The following CLPB variants were observed in gnomAD, a reference collection of about 807,000 sequenced individuals.
CLPB encodes the protein mitochondrial disaggregase.
CLPB carries 40 observed loss-of-function variants against 78.4 expected under a neutral mutation model. The observed-to-expected ratio is 0.51, with a 90% CI of 0.40 to 0.66. The LOEUF (loss-of-function observed/expected upper bound fraction) is 0.66. Among genes scored for constraint, CLPB ranks in the 30% least tolerant of loss-of-function variants. CLPB has a pLI of 0.00. For missense variants in CLPB, 780 were observed against 886.9 expected, an observed-to-expected ratio of 0.88 and a Z score of 1.53; for synonymous variants, 333 against 348.0, an observed-to-expected ratio of 0.96 and a Z score of 0.48.
At chr11:72,392,030 G>A (rs1855268074) in intron 3 of CLPB, among the ~76,000 whole-genome samples, 1 of 152,070 alleles carries the variant, frequency 6.6e-6, no homozygotes, top group Non-Finnish European at 1.5e-5. Flanking sequence ...AGGGAAGAGC[G>A]AGAAAACCTA....
rs77875685 is a variant in CLPB at position 72,302,389 on chromosome 11, G to C, written c.1123-41C>G. On this transcript the variant is annotated intron_variant, in intron 9 of 15. Transcript: ENST00000538039. ...CAAGTACCAACTCCGTTTGGAGGCA[G>C]GAAAGTGAAGAGAAGGGTTAGGGAG... 2,746 of 1,593,544 alleles carry C rather than the reference G, an allele frequency of 1.7e-3. 32 individuals carry two copies. The African/African-American group carries it at 0.032, about 19-fold the overall frequency.
At chr11:72,354,277 G>GTATATATATA (rs57178829) in intron 5 of CLPB, 95 of 375,596 alleles carry the variant, frequency 2.5e-4, no homozygotes, top group African/African-American at 1.8e-3. Flanking sequence ...GTGTGTGTGT[G>GTATATATATA]TATATATATA....
At chr11:72,308,965 C>G (rs1016289999) in intron 7 of CLPB, among the ~76,000 whole-genome samples, 33 of 152,288 alleles carry the variant, frequency 2.2e-4, no homozygotes, top group Admixed American at 1.1e-3. Context: ...GGTTACTCAT[C>G]TACTCATCGC....
At chr11:72,354,660 AGC>A in intron 5 of CLPB, 3 of 282,738 alleles carry the variant, frequency 1.1e-5, no homozygotes, top group Non-Finnish European at 2.0e-5. Flanking sequence ...CCTGCTGATA[AGC>A]CATCAACACA....
chr11:72,327,845 G>T (rs922614247), intron 6 of CLPB, among the ~76,000 whole-genome samples: 1 of 152,186 alleles, frequency 6.6e-6, no homozygotes, highest in African/African-American at 2.4e-5. Flanking sequence ...AGAAGCATTT[G>T]CCCTCTGAAA....
intron 5 of CLPB, among the ~76,000 whole-genome samples, chr11:72,331,551 ACTT>A (rs1198597975): frequency 2.9e-5 from 4 of 138,288 alleles, no homozygotes; most frequent in South Asian, 2.3e-4. Flanking sequence ...ACAAGTCTCT[ACTT>A]CTTCTTTTCT....
At chr11:72,380,817 T>C (rs1854888222) in intron 3 of CLPB, among the ~76,000 whole-genome samples, 1 of 152,250 alleles carries the variant, frequency 6.6e-6, no homozygotes, top group South Asian at 2.1e-4. Flanking sequence ...TACCATGTTC[T>C]AGTCCCTATT....
In CLPB at chr11:72,290,804, TG is replaced by T. The variant is rs1199091897; in HGVS notation, c.*2562del. On this transcript the variant is annotated 3_prime_UTR_variant, in exon 16 of 16. Transcript: ENST00000538039. ...ACTAAAAATACAAAAATTAGCTGGG[TG>T]TGGTGGTGGGCACCTGCAATCCCAG... The T allele has an allele frequency of 1.3e-5, 2 of 151,900 alleles. No individual in the cohort carries two copies. 9.4% of individuals were successfully genotyped at this position (151,900 alleles called of 1,614,324 possible).
intron 2 of CLPB, among the ~76,000 whole-genome samples, chr11:72,416,393 C>T (rs149629853): frequency 2.0e-5 from 3 of 152,108 alleles, no homozygotes; most frequent in South Asian, 4.1e-4. Context: ...TTTTCTCCCC[C>T]TCAATGCCTA....
chr11:72,344,016 C>T (rs1950465832), intron 5 of CLPB, among the ~76,000 whole-genome samples: 1 of 152,136 alleles, frequency 6.6e-6, no homozygotes, highest in Admixed American at 6.5e-5. Context: ...ATGGGCAATA[C>T]TGCTCGACAA....
In CLPB at chr11:72,290,408, A is replaced by G. The variant is rs1949437283; in HGVS notation, c.*2959T>C. On this transcript the variant is annotated 3_prime_UTR_variant, in exon 16 of 16. Coordinates refer to ENST00000538039, the MANE Select transcript of CLPB (RefSeq NM_001258392.3). ...AAGGGACAGCTCTTCCTTATAGTAG[A>G]ATACCAATTAATAAATACAGGTAAA... 1 of 152,250 alleles carries G rather than the reference A, an allele frequency of 6.6e-6. No individual in the cohort carries two copies. 9.4% of individuals were successfully genotyped at this position (152,250 alleles called of 1,614,324 possible).
chr11:72,379,535 G>C (rs991687595), intron 4 of CLPB, among the ~76,000 whole-genome samples: 2 of 151,936 alleles, frequency 1.3e-5, no homozygotes. Flanking sequence ...ACACATGATC[G>C]AGCCCTAGTG....
At chr11:72,399,115 C>T (rs1205951586) in intron 3 of CLPB, among the ~76,000 whole-genome samples, 1 of 150,880 alleles carries the variant, frequency 6.6e-6, no homozygotes, top group Non-Finnish European at 1.5e-5. Flanking sequence ...TCTCTGTATC[C>T]CTTTTTTGCC....
At chr11:72,423,115 C>G (rs1277306657) in intron 2 of CLPB, among the ~76,000 whole-genome samples, 1 of 152,056 alleles carries the variant, frequency 6.6e-6, no homozygotes. Flanking sequence ...GCCATAAAAC[C>G]AGAAATCAAA....
At chr11:72,424,049 C>A (rs1374898452) in intron 2 of CLPB, among the ~76,000 whole-genome samples, 1 of 152,226 alleles carries the variant, frequency 6.6e-6, no homozygotes, top group African/African-American at 2.4e-5. Context: ...TTATAAACCA[C>A]TCAATCTGCG....
At position 72,307,231 on chromosome 11, in the gene CLPB, T is replaced by C; in HGVS notation, c.1090A>G (p.Thr364Ala). Residue 364 changes from threonine (T) to alanine (A), a missense_variant, in exon 9 of 16, where the codon ACA (threonine) becomes GCA (alanine). By Grantham distance (58) the Thr-to-Ala change is moderately conservative. Coordinates refer to ENST00000538039, the MANE Select transcript of CLPB (RefSeq NM_001258392.3). ...GIGKTELAKQ[T>A]AKYMHKDAKK... is the part of the protein sequence containing the mutation. ...GCATCTTTGTGCATATATTTGGCTGTCTGCTTGGCCAGCTCTGTTTTTCCT... is the reference window on the plus strand; with the variant it reads ...GCATCTTTGTGCATATATTTGGCTGCCTGCTTGGCCAGCTCTGTTTTTCCT... The C allele has an allele frequency of 6.2e-7, 1 of 1,614,144 alleles. No individual in the cohort carries two copies. The highest frequency in any genetic ancestry group is 8.5e-7 in the Non-Finnish European group (1 of 1,180,020).
In CLPB at chr11:72,292,065, AGGC is replaced by A. The variant is rs1949461434; in HGVS notation, c.*1299_*1301del. 2 of 147,902 alleles carry A rather than the reference AGGC, an allele frequency of 1.4e-5. No individual in the cohort carries two copies. The highest frequency in any genetic ancestry group is 5.2e-5 in the African/African-American group (2 of 38,354). 9.2% of individuals were successfully genotyped at this position (147,902 alleles called of 1,614,324 possible). ...CTCAAAAAAAAAAAAAAAAAAAAAA[AGGC>A]AGTCAGTGAGGTAGGGAGCAGCAGC... On this transcript the variant is annotated 3_prime_UTR_variant, in exon 16 of 16. Transcript: ENST00000538039.
At chr11:72,345,852 G>A (rs911799048) in intron 5 of CLPB, among the ~76,000 whole-genome samples, 3 of 152,106 alleles carry the variant, frequency 2.0e-5, no homozygotes. Context: ...ATAGACTAGG[G>A]GTGAGAACTG....
At position 72,433,789 on chromosome 11, in the gene CLPB, G is replaced by T. The variant is rs145207184; in HGVS notation, c.403+283C>A. Among the ~76,000 whole-genome samples, 1,055 of 152,070 alleles carry T rather than the reference G, an allele frequency of 6.9e-3. 6 individuals are homozygous for T. Among genetic ancestry groups the T allele is most frequent in the African/African-American group, 0.01 (434 of 41,474 alleles). ...AGGCAGAATATGAGAAACATAAGGG[G>T]ACCATGCTATAATATTAGATGTTTA... On this transcript the variant is annotated intron_variant, in intron 1 of 15. Transcript: ENST00000538039.
Sources: allele counts gnomAD v4.1 joint callset (sites outside exome capture counted in the v4.1 genomes callset), GRCh38; gene constraint gnomAD v4.1.1; transcripts MANE v1.5; gene names NCBI Gene and HGNC (gene_info 2026-07-23, HGNC 2026-07-21).